The following ARHGAP15 variants were observed in gnomAD, a reference collection of about 807,000 sequenced individuals.
ARHGAP15 encodes Rho GTPase activating protein 15.
ARHGAP15 carries 51 observed loss-of-function variants against 63.7 expected under a neutral mutation model. The ratio of observed to expected loss-of-function variants is 0.80; its 90% confidence interval spans 0.64 to 1.01. ARHGAP15 has a LOEUF of 1.01. ARHGAP15 is among the 50% of genes least tolerant of loss of function. The pLI is 0.00. For missense variants in ARHGAP15, 560 were observed against 564.6 expected, an observed-to-expected ratio of 0.99 and a Z score of 0.08; for synonymous variants, 191 against 193.8, an observed-to-expected ratio of 0.99 and a Z score of 0.12.
In ARHGAP15 at chr2:143,330,006, C is replaced by T. The variant is rs548035015; in HGVS notation, c.474+79406C>T. 2.9e-5 allele frequency among the ~76,000 whole-genome samples: 4 copies of T among 139,944 alleles called. No homozygotes were observed. The South Asian group carries it at 9.4e-4, about 33-fold the overall frequency. The allele number at this position is 139,944 out of a possible 152,430, so 91.8% of individuals were successfully genotyped here. The stretch of plus-strand genomic sequence containing the variant: ...ACTCAGGAGCCTGAAGCAGGAGAAT[C>T]GCTTGAGCCCAGGAGGCAGAGGTTG... On this transcript the variant is annotated intron_variant, in intron 6 of 13. Coordinates refer to ENST00000295095, the MANE Select transcript of ARHGAP15 (RefSeq NM_018460.4).
intron 8 of ARHGAP15, among the ~76,000 whole-genome samples, chr2:143,463,166 C>G (rs552997194): frequency 2.0e-5 from 3 of 151,986 alleles, no homozygotes; most frequent in Non-Finnish European, 4.4e-5. Flanking sequence ...CAGTGTGGCC[C>G]AGGGAGCCAA....
chr2:143,356,078 G>T (rs1315038285), intron 6 of ARHGAP15, among the ~76,000 whole-genome samples: 1 of 151,810 alleles, frequency 6.6e-6, no homozygotes, highest in Non-Finnish European at 1.5e-5. Context: ...GAGAGAGAAA[G>T]AAAGAAAGCA....
chr2:143,549,735 A>C (rs948407783), intron 10 of ARHGAP15, among the ~76,000 whole-genome samples: 1 of 152,178 alleles, frequency 6.6e-6, no homozygotes, highest in Admixed American at 6.5e-5. Flanking sequence ...GGTCTTCTCC[A>C]ACAGAATTAG....
At chr2:143,699,778 A>G (rs545543352) in intron 12 of ARHGAP15, among the ~76,000 whole-genome samples, 2 of 152,350 alleles carry the variant, frequency 1.3e-5, no homozygotes, top group East Asian at 1.9e-4. Flanking sequence ...TTGGGCCTCA[A>G]AAGAGGTGAG....
intron 2 of ARHGAP15, among the ~76,000 whole-genome samples, chr2:143,170,185 G>T (rs915984732): frequency 3.3e-5 from 5 of 151,996 alleles, no homozygotes; most frequent in Non-Finnish European, 7.4e-5. Context: ...ATTGATTGCA[G>T]CTTCTGATTC....
At chr2:143,180,668 CT>C (rs1215888288) in intron 2 of ARHGAP15, among the ~76,000 whole-genome samples, 4 of 151,882 alleles carry the variant, frequency 2.6e-5, no homozygotes, top group Non-Finnish European at 4.4e-5. Flanking sequence ...AAATATATTT[CT>C]TTTTTTTATT....
chr2:143,462,819 A>G (rs923866535), intron 8 of ARHGAP15, among the ~76,000 whole-genome samples: 1 of 152,236 alleles, frequency 6.6e-6, no homozygotes, highest in Non-Finnish European at 1.5e-5. Flanking sequence ...GGACAGACAG[A>G]CAGACAAAAA....
At chr2:143,206,424 A>T (rs1372108642) in intron 3 of ARHGAP15, among the ~76,000 whole-genome samples, 1 of 152,156 alleles carries the variant, frequency 6.6e-6, no homozygotes, top group South Asian at 2.1e-4. Context: ...GTGAAAGCCA[A>T]TTTTTCAATA....
chr2:143,187,868 A>T (rs1234588512), intron 2 of ARHGAP15, among the ~76,000 whole-genome samples: 1 of 152,132 alleles, frequency 6.6e-6, no homozygotes, highest in African/African-American at 2.4e-5. Flanking sequence ...TTGAAGAAAA[A>T]GTTTCTTTTT....
chr2:143,261,176 A>T (rs1161405618), intron 6 of ARHGAP15, among the ~76,000 whole-genome samples: 1 of 152,082 alleles, frequency 6.6e-6, no homozygotes. Flanking sequence ...TTTAGTCAGG[A>T]GGATCATTCA....
chr2:143,173,422 C>A (rs1178318955), intron 2 of ARHGAP15, among the ~76,000 whole-genome samples: 1 of 151,950 alleles, frequency 6.6e-6, no homozygotes, highest in African/African-American at 2.4e-5. Flanking sequence ...GTACTTTTAA[C>A]TTTCCCATAA....
chr2:143,459,007 C>G (rs1489949867), intron 8 of ARHGAP15, among the ~76,000 whole-genome samples: 1 of 152,106 alleles, frequency 6.6e-6, no homozygotes, highest in Non-Finnish European at 1.5e-5. Flanking sequence ...GTCATGCTCT[C>G]AAAAGGCATA....
chr2:143,610,613 C>T (rs1264787711), intron 11 of ARHGAP15, among the ~76,000 whole-genome samples: 2 of 152,152 alleles, frequency 1.3e-5, no homozygotes, highest in Non-Finnish European at 2.9e-5. Context: ...TATTTTGCCT[C>T]ATAAAATGTA....
At chr2:143,456,732 C>A (rs1345207950) in intron 8 of ARHGAP15, among the ~76,000 whole-genome samples, 1 of 151,758 alleles carries the variant, frequency 6.6e-6, no homozygotes, top group African/African-American at 2.4e-5. Context: ...TTCTATTATA[C>A]CTTTTATAGG....
At chr2:143,435,497 T>G in intron 6 of ARHGAP15, 104 bp from the exon 7 acceptor site, 1 of 1,349,594 alleles carries the variant, frequency 7.4e-7, no homozygotes, top group Non-Finnish European at 9.5e-7. Flanking sequence ...AATATTTCAT[T>G]TTATTAAACT....
At chr2:143,742,061 G>A (rs1685983249) in intron 13 of ARHGAP15, among the ~76,000 whole-genome samples, 1 of 152,148 alleles carries the variant, frequency 6.6e-6, no homozygotes, top group Non-Finnish European at 1.5e-5. Flanking sequence ...TGAGAGCCAG[G>A]TCTATATTCT....
At chr2:143,209,557 T>TAA (rs3070816) in intron 3 of ARHGAP15, among the ~76,000 whole-genome samples, 1 of 148,374 alleles carries the variant, frequency 6.7e-6, no homozygotes, top group Non-Finnish European at 1.5e-5. Flanking sequence ...TGTGCTATGA[T>TAA]AAAAAAAAAA....
intron 2 of ARHGAP15, among the ~76,000 whole-genome samples, chr2:143,186,997 TA>T (rs1164349837): frequency 6.6e-6 from 1 of 152,172 alleles, no homozygotes; most frequent in Non-Finnish European, 1.5e-5. Context: ...TAGATGTCTG[TA>T]AACAGTGGAA....
intron 6 of ARHGAP15, among the ~76,000 whole-genome samples, chr2:143,434,768 A>T (rs1340331591): frequency 1.3e-5 from 2 of 152,148 alleles, no homozygotes; most frequent in East Asian, 3.9e-4. Context: ...AAGCATGTCC[A>T]CACCCACTCT....
Sources: gnomAD v4.1 joint callset for allele counts (sites outside exome capture counted in the v4.1 genomes callset) on GRCh38, gnomAD v4.1.1 for gene constraint, MANE v1.5 for transcripts, NCBI Gene and HGNC (gene_info 2026-07-23, HGNC 2026-07-21) for gene names.